ADH7: variants seen among roughly 807,000 people sequenced by gnomAD.
ADH7 encodes alcohol dehydrogenase 7 (class IV), mu or sigma polypeptide.
In ADH7, 41 loss-of-function variants were observed where a neutral mutation model predicts 34.4. That is an observed-to-expected ratio of 1.19 (90% CI 0.93 to 1.55). The LOEUF (loss-of-function observed/expected upper bound fraction) is 1.55, where lower values mean the gene tolerates loss of function less well. Ranked by LOEUF, ADH7 falls within the 40% of genes most tolerant of loss-of-function variation. The pLI is 0.00. For missense variants in ADH7, 540 were observed against 461.2 expected (o/e 1.17, Z -1.56); for synonymous variants, 180 against 160.9 (o/e 1.12, Z -0.90).
At chr4:99,427,682 T>C in intron 5 of ADH7, 91 bp downstream of exon 5, 2 of 984,296 alleles carry the variant, frequency 2.0e-6, no homozygotes, top group East Asian at 6.0e-5. Context: ...TTTTAAATGT[T>C]TTTTTTTTTT....
chr4:99,429,383 C>G, intron 2 of ADH7, 149 bp downstream of exon 2: 2 of 563,758 alleles, frequency 3.5e-6, no homozygotes. Context: ...ACAACCAGAT[C>G]CTTAACAATA....
At chr4:99,425,092 C>G (rs1201507209) in intron 5 of ADH7, among the ~76,000 whole-genome samples, 6 of 152,194 alleles carry the variant, frequency 3.9e-5, no homozygotes. Flanking sequence ...CCGGTACCAG[C>G]TGCTGCAAAA....
chr4:99,418,995 C>T lies in ADH7; in HGVS notation c.952G>A (p.Val318Ile), dbSNP rs1216597381. Residue 318 changes from valine to isoleucine, a missense_variant, in exon 7 of 9, where the codon GTC (valine) becomes ATC (isoleucine). Coordinates refer to ENST00000437033, the MANE Select transcript of ADH7 (RefSeq NM_000673.7). ...GCTTTGCTTTCCTGACCTCCAAAGA[C>T]ACATCCCTTCCATGTGCGTCCAGTG... ...LFTGRTWKGC[V>I]FGGLKSRDDV... The T allele has an allele frequency of 8.7e-6, 14 of 1,613,626 alleles. No homozygotes were observed. The Admixed American group carries it at 2.0e-4, about 23-fold the overall frequency.
At chr4:99,423,587 G>A (rs1412755174) in intron 5 of ADH7, among the ~76,000 whole-genome samples, 3 of 152,104 alleles carry the variant, frequency 2.0e-5, no homozygotes, top group East Asian at 1.9e-4. Flanking sequence ...GTGTGAGATG[G>A]TATCTCATTG....
In ADH7 at chr4:99,419,082, T is replaced by C. The variant is rs1284345460; in HGVS notation, c.865A>G (p.Ser289Gly). 5.0e-6 allele frequency: 8 copies of C among 1,613,834 alleles called. No homozygotes were observed. The highest frequency in any genetic ancestry group is 5.9e-6 in the Non-Finnish European group (7 of 1,179,856). Residue 289 changes from serine (S) to glycine (G), a missense_variant, in exon 7 of 9, where the codon AGC becomes GGC. Ser to Gly is a moderately conservative substitution (Grantham distance 56, BLOSUM62 0). Coordinates refer to ENST00000437033, the MANE Select transcript of ADH7 (RefSeq NM_000673.7). ...LASCHMNYGT[S>G]VVVGVPPSAK... ...GATGGAGGAACTCCTACAACCACGCTGGTCCCATAGTTCATGTGGCAGGAT... is the reference window on the plus strand; with the variant it reads ...GATGGAGGAACTCCTACAACCACGCCGGTCCCATAGTTCATGTGGCAGGAT...
At chr4:99,424,551 T>A (rs1471923212) in intron 5 of ADH7, among the ~76,000 whole-genome samples, 3 of 152,190 alleles carry the variant, frequency 2.0e-5, no homozygotes, top group Non-Finnish European at 4.4e-5. Flanking sequence ...CTCTTTTATT[T>A]CCTTGAGCAG....
At chr4:99,418,601 T>C (rs1037378321) in intron 7 of ADH7, among the ~76,000 whole-genome samples, 10 of 152,150 alleles carry the variant, frequency 6.6e-5, no homozygotes, top group African/African-American at 2.4e-4. Context: ...GGTTTTGGCT[T>C]TGGGTCCAGG....
chr4:99,425,836 G>T (rs1721790503), intron 5 of ADH7, among the ~76,000 whole-genome samples: 1 of 151,812 alleles, frequency 6.6e-6, no homozygotes, highest in Admixed American at 6.6e-5. Flanking sequence ...AAATGTAAAA[G>T]AACACAAATT....
chr4:99,419,200 T>C, intron 6 of ADH7, 79 bp from the exon 7 acceptor site: 1 of 1,433,032 alleles, frequency 7.0e-7, no homozygotes, highest in Non-Finnish European at 9.3e-7. Context: ...ACCTATGTAC[T>C]ATGACAAAGT....
chr4:99,421,056 T>C (rs1395091555), intron 5 of ADH7, among the ~76,000 whole-genome samples: 1 of 152,168 alleles, frequency 6.6e-6, no homozygotes, highest in Non-Finnish European at 1.5e-5. Context: ...ATCAATATCG[T>C]GAAAATGGCC....
In ADH7 at chr4:99,428,581, G is replaced by A; in HGVS notation, c.170C>T (p.Thr57Ile). ...CRTDDHVIKG[T>I]MVSKFPVIVG... ...AATCACTGGAAACTTGGACACCATT[G>A]TTCCTTTTATCACATGGTCATCTGT... is the stretch of plus-strand genomic sequence containing the variant. Residue 57 changes from threonine to isoleucine, a missense_variant, in exon 3 of 9, where the codon ACA (threonine) becomes ATA (isoleucine). Thr to Ile is a moderately conservative substitution (Grantham distance 89, BLOSUM62 -1). Coordinates refer to ENST00000437033, the MANE Select transcript of ADH7 (RefSeq NM_000673.7). The A allele has an allele frequency of 6.2e-7, 1 of 1,613,866 alleles. No individual in the cohort carries two copies. The highest frequency in any genetic ancestry group is 8.5e-7 in the Non-Finnish European group (1 of 1,179,870).
intron 1 of ADH7, among the ~76,000 whole-genome samples, chr4:99,431,971 T>C (rs1721945910): frequency 6.6e-6 from 1 of 152,198 alleles, no homozygotes; most frequent in South Asian, 2.1e-4. Flanking sequence ...ATTGGGTATA[T>C]ACCCAAAGAA....
At chr4:99,416,758 C>T (rs899548903) in intron 7 of ADH7, among the ~76,000 whole-genome samples, 2 of 152,138 alleles carry the variant, frequency 1.3e-5, no homozygotes, top group African/African-American at 4.8e-5. Context: ...ACTACAGACT[C>T]ATAGCCAATT....
At position 99,415,495 on chromosome 4, in the gene ADH7, C is replaced by T; in HGVS notation, c.1083G>A (p.Leu361=). The change falls in exon 8 of 9, where the codon CTG becomes CTA. Residue 361 remains leucine, a synonymous_variant. Transcript: ENST00000437033. ...PFKKISEGFE[L]LNSGQSIRTV... The stretch of plus-strand genomic sequence containing the variant: ...ACAGTTACCTTTGTCCTGAATTGAG[C>T]AGCTCAAATCCTTCACTGATTTTTT... 1.2e-6 allele frequency: 2 copies of T among 1,612,294 alleles called. No homozygotes were observed. The highest frequency in any genetic ancestry group is 1.7e-6 in the Non-Finnish European group (2 of 1,179,106).
At chr4:99,423,901 T>A (rs1416560241) in intron 5 of ADH7, among the ~76,000 whole-genome samples, 7 of 152,002 alleles carry the variant, frequency 4.6e-5, no homozygotes, top group African/African-American at 1.2e-4. Context: ...CATTTGTCAA[T>A]TTTGGCTTTT....
chr4:99,417,985 C>T (rs572877147), intron 7 of ADH7, among the ~76,000 whole-genome samples: 3 of 152,284 alleles, frequency 2.0e-5, no homozygotes, highest in African/African-American at 7.2e-5. Flanking sequence ...AAACTTTGTT[C>T]TCCCATGGAC....
At chr4:99,414,311 T>C (rs896797546) in intron 8 of ADH7, among the ~76,000 whole-genome samples, 2 of 151,630 alleles carry the variant, frequency 1.3e-5, no homozygotes, top group Non-Finnish European at 2.9e-5. Flanking sequence ...CATTGAAAAA[T>C]CTCTCAGGTA....
Position 99,428,572 on chromosome 4 carries a change from G to C in ADH7, c.179C>G (p.Ser60Cys). The C allele has an allele frequency of 6.2e-7, 1 of 1,613,892 alleles. No homozygotes were observed. The highest frequency in any genetic ancestry group is 2.2e-5 in the East Asian group (1 of 44,858). ...ATGTCCCACAATCACTGGAAACTTG[G>C]ACACCATTGTTCCTTTTATCACATG... ...DDHVIKGTMVSKFPVIVGHEA... is the reference protein window; with the variant it reads ...DDHVIKGTMVCKFPVIVGHEA... Residue 60 changes from serine to cysteine, a missense_variant, in exon 3 of 9, where the codon TCC becomes TGC. Ser to Cys is a moderately radical substitution (Grantham distance 112). Transcript: ENST00000437033.
At chr4:99,420,416 G>T in intron 6 of ADH7, 117 bp downstream of exon 6, 1 of 1,216,348 alleles carries the variant, frequency 8.2e-7, no homozygotes, top group Non-Finnish European at 1.1e-6. Flanking sequence ...GAGTAAAACT[G>T]ACTATCGCAG....
Sources: gnomAD v4.1 joint callset for allele counts (sites outside exome capture counted in the v4.1 genomes callset) on GRCh38, gnomAD v4.1.1 for gene constraint, MANE v1.5 for transcripts, NCBI Gene and HGNC (gene_info 2026-07-23, HGNC 2026-07-21) for gene names.